Variants in SSH2 observed in about 807,000 individuals in gnomAD.
SSH2 encodes slingshot protein phosphatase 2.
SSH2 carries 37 observed loss-of-function variants against 135.2 expected under a neutral mutation model. The observed-to-expected ratio is 0.27, with a 90% confidence interval of 0.21 to 0.36. The LOEUF is 0.36. Ranked by LOEUF, SSH2 falls within the 10% of genes least tolerant of loss-of-function variation. SSH2 has a pLI of 1.00. For synonymous variants in SSH2, 628 were observed against 646.2 expected (o/e 0.97, Z 0.43); for missense variants, 1,408 against 1,765.3 (o/e 0.80, Z 3.63).
intron 3 of SSH2, among the ~76,000 whole-genome samples, chr17:29,713,335 AAAAC>A (rs1053638211): frequency 4.6e-5 from 7 of 152,174 alleles, no homozygotes; most frequent in South Asian, 4.1e-4. Flanking sequence ...ACAGTGTCTC[AAAAC>A]AAACAAACAA....
At chr17:29,880,715 A>C (rs117751664) in intron 1 of SSH2, among the ~76,000 whole-genome samples, 1 of 152,174 alleles carries the variant, frequency 6.6e-6, no homozygotes, top group Non-Finnish European at 1.5e-5. Flanking sequence ...TTTAATTAAG[A>C]AAGTTACTTC....
At chr17:29,866,284 G>A (rs1015004736) in intron 1 of SSH2, among the ~76,000 whole-genome samples, 2 of 151,126 alleles carry the variant, frequency 1.3e-5, no homozygotes, top group Non-Finnish European at 1.5e-5. Flanking sequence ...CTAATGCTTG[G>A]ATTCCTAAAC....
chr17:29,856,022 C>G, intron 1 of SSH2: 1 of 393,326 alleles, frequency 2.5e-6, no homozygotes, highest in Admixed American at 3.0e-5. Flanking sequence ...GCTTCCATTA[C>G]AAGATGAGGT....
At chr17:29,696,205 ACACAT>A (rs1461467345) in intron 4 of SSH2, among the ~76,000 whole-genome samples, 61 of 141,282 alleles carry the variant, frequency 4.3e-4, no homozygotes, top group African/African-American at 1.4e-3. Flanking sequence ...ACACACACAC[ACACAT>A]ATGTATATAC....
At chr17:29,792,930 T>C (rs1307342372) in intron 3 of SSH2, among the ~76,000 whole-genome samples, 1 of 152,172 alleles carries the variant, frequency 6.6e-6, no homozygotes. Context: ...TGCCTCGGCT[T>C]CCCAAAGTGC....
chr17:29,674,587 C>T (rs2037628656), intron 8 of SSH2, among the ~76,000 whole-genome samples: 1 of 152,180 alleles, frequency 6.6e-6, no homozygotes, highest in Admixed American at 6.5e-5. Flanking sequence ...CACACATCAT[C>T]TATTTTTTTC....
intron 2 of SSH2, among the ~76,000 whole-genome samples, chr17:29,842,376 C>T (rs1227988117): frequency 6.6e-6 from 1 of 151,280 alleles, no homozygotes; most frequent in Non-Finnish European, 1.5e-5. Flanking sequence ...ATCTCTTGAA[C>T]CTGGGAGGCG....
At chr17:29,784,498 G>A (rs1050477610) in intron 3 of SSH2, among the ~76,000 whole-genome samples, 2 of 151,874 alleles carry the variant, frequency 1.3e-5, no homozygotes, top group Admixed American at 1.3e-4. Flanking sequence ...TTGGGAGGCT[G>A]AGACAGGAGA....
At chr17:29,663,951 G>C (rs1264951748) in intron 11 of SSH2, among the ~76,000 whole-genome samples, 1 of 152,186 alleles carries the variant, frequency 6.6e-6, no homozygotes, top group Non-Finnish European at 1.5e-5. Context: ...GTTGGGATAA[G>C]TTGTATATGG....
intron 14 of SSH2, chr17:29,639,650 G>A (rs2036064657): frequency 6.6e-6 from 1 of 151,948 alleles, no homozygotes; most frequent in African/African-American, 2.4e-5. Context: ...AATCAGCTGG[G>A]TATAAGATGG....
At position 29,862,057 on chromosome 17, in the gene SSH2, T is replaced by C. The variant is rs191773205; in HGVS notation, c.64-13128A>G. ...GAAATAGCTTTTTCTGGAGAGGTGATGATTTGGATTTAATCCACTCATAGT... is the reference window on the plus strand; with the variant it reads ...GAAATAGCTTTTTCTGGAGAGGTGACGATTTGGATTTAATCCACTCATAGT... On this transcript the variant is annotated intron_variant, in intron 1 of 15. Coordinates refer to ENST00000540801, the MANE Select transcript of SSH2 (RefSeq NM_001282129.2). Among the ~76,000 whole-genome samples, 4 of 152,360 alleles carry C rather than the reference T, an allele frequency of 2.6e-5. No individual in the cohort carries two copies. In the East Asian group the frequency reaches 7.7e-4, roughly 29 times the overall value.
chr17:29,635,020 A>G (rs1158376836), intron 15 of SSH2, among the ~76,000 whole-genome samples: 1 of 152,038 alleles, frequency 6.6e-6, no homozygotes, highest in African/African-American at 2.4e-5. Flanking sequence ...CTCCTGCCTC[A>G]GCCTCCTGAG....
chr17:29,829,396 C>G (rs1462638016), intron 2 of SSH2, among the ~76,000 whole-genome samples: 1 of 152,116 alleles, frequency 6.6e-6, no homozygotes, highest in African/African-American at 2.4e-5. Flanking sequence ...TTATTAAGAG[C>G]TCCATTCCCT....
At position 29,824,487 on chromosome 17, in the gene SSH2, C is replaced by A. The variant is rs377312624; in HGVS notation, c.144+24362G>T. On this transcript the variant is annotated intron_variant, in intron 2 of 15. Transcript: ENST00000540801. ...CCTCCCAGACTCCCAAGCTTCCCCT[C>A]TCATTTCACTGCCCTGAAGTGGATC... is the stretch of plus-strand genomic sequence containing the variant. Among the ~76,000 whole-genome samples, 43 of 152,310 alleles carry A rather than the reference C, an allele frequency of 2.8e-4. 1 individual carries two copies. The highest frequency in any genetic ancestry group is 9.9e-4 in the African/African-American group (41 of 41,548).
At chr17:29,852,772 T>G (rs539728127) in intron 1 of SSH2, among the ~76,000 whole-genome samples, 12 of 151,842 alleles carry the variant, frequency 7.9e-5, no homozygotes, top group Non-Finnish European at 1.6e-4. Flanking sequence ...GGATGGTCTC[T>G]ATCTCCTCAC....
chr17:29,766,946 C>T (rs1325878673), intron 3 of SSH2, among the ~76,000 whole-genome samples: 3 of 152,112 alleles, frequency 2.0e-5, no homozygotes, highest in Non-Finnish European at 2.9e-5. Flanking sequence ...TTATATAATA[C>T]AATAAACCAA....
chr17:29,760,335 CACTA>C (rs1483515886), intron 3 of SSH2, among the ~76,000 whole-genome samples: 1 of 152,186 alleles, frequency 6.6e-6, no homozygotes, highest in African/African-American at 2.4e-5. Flanking sequence ...AGTGTCAACA[CACTA>C]ACACAGACCC....
Position 29,632,205 on chromosome 17 carries a change from C to G in SSH2, c.2989G>C (p.Glu997Gln), listed in dbSNP as rs140696098. The stretch of plus-strand genomic sequence containing the variant: ...GTTCCAGTATCTGACCCTGGGCCCT[C>G]CTGAGGATCTGGCAAGTGGTCAAAC... ...LEFDHLPDPQ[E>Q]GPGSDTGTQQ... The change falls in exon 16 of 16, where the codon GAG becomes CAG. Residue 997 changes from glutamate to glutamine, a missense_variant. By Grantham distance (29) the Glu-to-Gln change is conservative. Coordinates refer to ENST00000540801, the MANE Select transcript of SSH2 (RefSeq NM_001282129.2). 1.4e-4 allele frequency: 225 copies of G among 1,613,972 alleles called. No homozygotes were observed. In the African/African-American group the frequency reaches 2.7e-3, roughly 20 times the overall value.
intron 2 of SSH2, among the ~76,000 whole-genome samples, chr17:29,840,507 C>T (rs1372193482): frequency 6.6e-6 from 1 of 152,138 alleles, no homozygotes; most frequent in Non-Finnish European, 1.5e-5. Context: ...TATTTTTGGC[C>T]TTTCAATAGC....
Sources: gnomAD v4.1 joint callset for allele counts (sites outside exome capture counted in the v4.1 genomes callset) on GRCh38, gnomAD v4.1.1 for gene constraint, MANE v1.5 for transcripts, NCBI Gene and HGNC (gene_info 2026-07-23, HGNC 2026-07-21) for gene names.